The following LACTB2 variants were observed in gnomAD, a reference collection of about 807,000 sequenced individuals.
LACTB2 encodes the protein endoribonuclease LACTB2.
LACTB2 carries 32 observed loss-of-function variants against 34.8 expected under a neutral mutation model. That is an observed-to-expected ratio of 0.92 (90% CI 0.69 to 1.24). The LOEUF (loss-of-function observed/expected upper bound fraction) is 1.24. LACTB2 is among the 50% of genes most tolerant of loss of function. LACTB2 has a pLI of 0.00. For synonymous variants in LACTB2, 120 were observed against 117.5 expected, an observed-to-expected ratio of 1.02 and a Z score of -0.14; for missense variants, 320 against 345.0, an observed-to-expected ratio of 0.93 and a Z score of 0.57.
At chr8:70,667,141 G>A (rs1411489985) in intron 1 of LACTB2, among the ~76,000 whole-genome samples, 2 of 152,324 alleles carry the variant, frequency 1.3e-5, no homozygotes, top group South Asian at 4.1e-4. Flanking sequence ...CTCTATCAAG[G>A]TGAAAGAGAA....
chr8:70,660,931 C>T, intron 2 of LACTB2: 1 of 456,122 alleles, frequency 2.2e-6, no homozygotes, highest in Non-Finnish European at 4.4e-6. Flanking sequence ...GTGCACGCCA[C>T]CATACCCGGG....
intron 1 of LACTB2, chr8:70,663,388 T>C (rs1391303402): frequency 6.6e-6 from 1 of 152,212 alleles, no homozygotes; most frequent in Non-Finnish European, 1.5e-5. Flanking sequence ...AGGAGGGTAA[T>C]GGCCTCATAG....
chr8:70,660,283 ATAGG>A, intron 2 of LACTB2: 1 of 283,592 alleles, frequency 3.5e-6, no homozygotes. Context: ...ACAAGATTTA[ATAGG>A]TAGATTAAAA....
intron 2 of LACTB2, chr8:70,660,965 A>G: frequency 2.2e-6 from 1 of 455,176 alleles, no homozygotes; most frequent in Non-Finnish European, 4.4e-6. Flanking sequence ...TTTTTTGTAG[A>G]GACAGGGTCT....
intron 4 of LACTB2, 151 bp downstream of exon 4, chr8:70,643,914 C>A: frequency 1.6e-6 from 1 of 612,120 alleles, no homozygotes; most frequent in Non-Finnish European, 2.4e-6. Flanking sequence ...AAAAACTACC[C>A]ACTTTGGCAT....
At chr8:70,639,408 C>T (rs1818167769) in intron 5 of LACTB2, among the ~76,000 whole-genome samples, 2 of 152,036 alleles carry the variant, frequency 1.3e-5, no homozygotes, top group South Asian at 4.1e-4. Flanking sequence ...GATCCGCCCG[C>T]CTCGGCCTCC....
At chr8:70,654,545 G>A (rs960446824) in intron 3 of LACTB2, 2 of 152,262 alleles carry the variant, frequency 1.3e-5, no homozygotes, top group African/African-American at 4.8e-5. Flanking sequence ...ATATGTGTGT[G>A]TGTGTCTGTG....
intron 3 of LACTB2, chr8:70,653,550 A>T (rs1476954965): frequency 6.6e-6 from 1 of 152,242 alleles, no homozygotes; most frequent in Non-Finnish European, 1.5e-5. Flanking sequence ...TGCCTCTTTA[A>T]AGATATTAAC....
intron 3 of LACTB2, chr8:70,653,764 T>C (rs1227658734): frequency 2.0e-5 from 3 of 152,138 alleles, no homozygotes; most frequent in African/African-American, 7.2e-5. Flanking sequence ...AACAGAAGAC[T>C]TGGTCCATGA....
At chr8:70,656,744 G>A (rs1381913203) in intron 3 of LACTB2, among the ~76,000 whole-genome samples, 1 of 152,146 alleles carries the variant, frequency 6.6e-6, no homozygotes, top group Non-Finnish European at 1.5e-5. Flanking sequence ...GATGGGGATT[G>A]TGTTGAATTT....
intron 3 of LACTB2, among the ~76,000 whole-genome samples, chr8:70,649,171 C>G (rs182233841): frequency 3.3e-5 from 5 of 152,182 alleles, no homozygotes; most frequent in Non-Finnish European, 7.4e-5. Flanking sequence ...TCCCCTAAAA[C>G]AGAGGGGGTT....
At chr8:70,637,969 T>C in intron 6 of LACTB2, 66 bp from the exon 7 acceptor site, 1 of 868,288 alleles carries the variant, frequency 1.2e-6, no homozygotes, top group Non-Finnish European at 1.7e-6. Context: ...AATTTTAAGT[T>C]ACCTTGTGGC....
At chr8:70,643,117 C>T (rs1203778860) in intron 4 of LACTB2, among the ~76,000 whole-genome samples, 2 of 151,322 alleles carry the variant, frequency 1.3e-5, no homozygotes, top group African/African-American at 4.8e-5. Flanking sequence ...AAAAATAACC[C>T]TCATATCTTT....
chr8:70,668,953 C>G (rs1563410747), intron 1 of LACTB2, 46 bp downstream of exon 1: 1 of 1,552,586 alleles, frequency 6.4e-7, no homozygotes, highest in Non-Finnish European at 8.7e-7. Context: ...AGCCCGGGCT[C>G]CGGGGCCGGC....
At chr8:70,646,283 A>G (rs1818263050) in intron 3 of LACTB2, 1 of 152,328 alleles carries the variant, frequency 6.6e-6, no homozygotes, top group South Asian at 2.1e-4. Flanking sequence ...AGAATGGGAG[A>G]AAATTTTTGC....
At chr8:70,653,966 T>G (rs1224802271) in intron 3 of LACTB2, 1 of 152,180 alleles carries the variant, frequency 6.6e-6, no homozygotes, top group Non-Finnish European at 1.5e-5. Context: ...AAGAAATAAA[T>G]TTATTTCCTA....
chr8:70,661,383 A>G (rs934165256), intron 2 of LACTB2: 4 of 285,184 alleles, frequency 1.4e-5, no homozygotes, highest in African/African-American at 8.9e-5. Flanking sequence ...GGACTGAGAT[A>G]ATCTGTTAGA....
intron 1 of LACTB2, among the ~76,000 whole-genome samples, chr8:70,667,315 T>C (rs1002922973): frequency 6.6e-6 from 1 of 152,202 alleles, no homozygotes; most frequent in African/African-American, 2.4e-5. Flanking sequence ...AGAACTGTTT[T>C]GTGAAGCGGA....
chr8:70,648,512 C>T (rs779371044), intron 3 of LACTB2, among the ~76,000 whole-genome samples: 2 of 151,030 alleles, frequency 1.3e-5, no homozygotes, highest in African/African-American at 2.4e-5. Flanking sequence ...TAAGATTAGG[C>T]GATAAAGTTA....
Sources: gnomAD v4.1 joint callset for allele counts (sites outside exome capture counted in the v4.1 genomes callset) on GRCh38, gnomAD v4.1.1 for gene constraint, MANE v1.5 for transcripts, NCBI Gene and HGNC (gene_info 2026-07-23, HGNC 2026-07-21) for gene names.